Variants in ILDR1 observed in about 807,000 individuals in gnomAD.
ILDR1 encodes the protein immunoglobulin-like domain-containing receptor 1.
Under a neutral mutation model 62.4 loss-of-function variants are expected in ILDR1, and 56 were observed. The ratio of observed to expected loss-of-function variants is 0.90; its 90% CI spans 0.72 to 1.12. The LOEUF (loss-of-function observed/expected upper bound fraction) is 1.12, where lower values mean the gene tolerates loss of function less well. Among genes scored for constraint, ILDR1 ranks in the 50% most tolerant of loss-of-function variants. ILDR1 has a pLI of 0.00. For missense variants in ILDR1, 736 were observed against 710.6 expected (o/e 1.04, Z -0.41); for synonymous variants, 284 against 277.8 (o/e 1.02, Z -0.22).
At chr3:121,999,065 A>G (rs2071478982) in intron 5 of ILDR1, among the ~76,000 whole-genome samples, 1 of 152,232 alleles carries the variant, frequency 6.6e-6, no homozygotes, top group Non-Finnish European at 1.5e-5. Context: ...CAGACATCCA[A>G]TAAAAGTTAG....
the ILDR1 span, among the ~76,000 whole-genome samples, chr3:122,048,285 C>T: frequency 1.3e-5 from 2 of 152,172 alleles, no homozygotes; most frequent in Non-Finnish European, 2.9e-5. Flanking sequence ...GGATAAATCC[C>T]ACTTGGTCAT....
At chr3:122,045,097 C>A in the ILDR1 span, among the ~76,000 whole-genome samples, 2 of 151,918 alleles carry the variant, frequency 1.3e-5, no homozygotes, top group African/African-American at 4.8e-5. Flanking sequence ...AAATGCATCC[C>A]AGAGATTCTG....
intron 1 of ILDR1, among the ~76,000 whole-genome samples, chr3:122,021,087 C>T (rs967649398): frequency 6.6e-6 from 1 of 152,110 alleles, no homozygotes; most frequent in African/African-American, 2.4e-5. Flanking sequence ...ATACAAGACT[C>T]AAATTGGTCT....
chr3:122,035,485 C>A, the ILDR1 span, among the ~76,000 whole-genome samples: 26,502 of 152,150 alleles, frequency 0.17, 2,477 homozygotes, highest in South Asian at 0.26. Context: ...TGTGTCCCTG[C>A]TCAAATCTTA....
At chr3:122,047,589 G>C in the ILDR1 span, among the ~76,000 whole-genome samples, 1 of 152,152 alleles carries the variant, frequency 6.6e-6, no homozygotes, top group African/African-American at 2.4e-5. Context: ...AGGACCCTCC[G>C]AGCCAGGTGT....
At chr3:121,999,194 T>C (rs2071481076) in intron 5 of ILDR1, among the ~76,000 whole-genome samples, 1 of 152,206 alleles carries the variant, frequency 6.6e-6, no homozygotes, top group South Asian at 2.1e-4. Context: ...CATTCATTAT[T>C]TTTCCCTTAA....
chr3:122,026,972 T>C (rs914680991), upstream of ILDR1, among the ~76,000 whole-genome samples: 5 of 152,170 alleles, frequency 3.3e-5, no homozygotes, highest in African/African-American at 1.2e-4. Flanking sequence ...AAGATCAATA[T>C]ATTAATGTCA....
the ILDR1 span, among the ~76,000 whole-genome samples, chr3:122,056,447 T>G: frequency 1.3e-5 from 2 of 152,148 alleles, no homozygotes; most frequent in Non-Finnish European, 2.9e-5. Context: ...CGATTCTCCT[T>G]CCTCAGTCTC....
At chr3:122,004,219 T>G (rs1282117103) in intron 3 of ILDR1, among the ~76,000 whole-genome samples, 5 of 152,194 alleles carry the variant, frequency 3.3e-5, no homozygotes, top group Non-Finnish European at 7.3e-5. Flanking sequence ...AAATATTTAT[T>G]TAACACAGCA....
intron 6 of ILDR1, 21 bp downstream of exon 6, chr3:121,994,161 C>T (rs1559871650): frequency 1.3e-6 from 2 of 1,535,672 alleles, no homozygotes; most frequent in Non-Finnish European, 8.7e-7. Context: ...TCCCCTATCC[C>T]AAATCTCTGG....
the ILDR1 span, among the ~76,000 whole-genome samples, chr3:122,055,203 A>G: frequency 6.6e-6 from 1 of 152,096 alleles, no homozygotes; most frequent in Non-Finnish European, 1.5e-5. Flanking sequence ...CATGTCTGGA[A>G]CTCAAGCTAC....
At chr3:122,014,101 G>A (rs2071743070) in intron 1 of ILDR1, among the ~76,000 whole-genome samples, 1 of 152,200 alleles carries the variant, frequency 6.6e-6, no homozygotes, top group South Asian at 2.1e-4. Context: ...CTAAATGGTT[G>A]AGATTTAACC....
chr3:122,017,101 G>A (rs1013373361), intron 1 of ILDR1, among the ~76,000 whole-genome samples: 1 of 152,036 alleles, frequency 6.6e-6, no homozygotes, highest in African/African-American at 2.4e-5. Context: ...AGGCTGGAGT[G>A]AAATGGCGCG....
Position 121,988,351 on chromosome 3 carries a change from G to C in ILDR1, c.*16C>G. 6.2e-7 allele frequency: 1 copy of C among 1,610,470 alleles called. No individual in the cohort carries two copies. Among genetic ancestry groups the C allele is most frequent in the Non-Finnish European group, 8.5e-7 (1 of 1,176,714 alleles). On this transcript the variant is annotated 3_prime_UTR_variant, in exon 8 of 8. Coordinates refer to ENST00000344209, the MANE Select transcript of ILDR1 (RefSeq NM_001199799.2). ...GAGCCGAGAAGTAGCCACAGAAGTT[G>C]TGCTGTGCTTGGTGACTAAATGACC...
At chr3:122,014,085 A>G (rs2071742940) in intron 1 of ILDR1, among the ~76,000 whole-genome samples, 1 of 152,234 alleles carries the variant, frequency 6.6e-6, no homozygotes, top group African/African-American at 2.4e-5. Context: ...CTTCTGGATA[A>G]GTTTTCTAAA....
intron 1 of ILDR1, among the ~76,000 whole-genome samples, chr3:122,012,988 A>G (rs915644094): frequency 6.6e-6 from 1 of 152,166 alleles, no homozygotes; most frequent in African/African-American, 2.4e-5. Context: ...ACTTCAGATG[A>G]GATATCAGAG....
At chr3:122,008,573 C>T (rs1415402524) in intron 1 of ILDR1, among the ~76,000 whole-genome samples, 1 of 99,614 alleles carries the variant, frequency 1.0e-5, no homozygotes, top group African/African-American at 3.4e-5. Context: ...TATTTCTTTT[C>T]TTTTCTTTTC....
chr3:121,992,087 T>C (rs2071356995), intron 7 of ILDR1, among the ~76,000 whole-genome samples: 1 of 152,226 alleles, frequency 6.6e-6, no homozygotes, highest in African/African-American at 2.4e-5. Context: ...TGGCAACATA[T>C]CTTTGCAAAG....
intron 1 of ILDR1, among the ~76,000 whole-genome samples, chr3:122,015,365 G>A (rs2071762248): frequency 2.0e-5 from 3 of 152,144 alleles, no homozygotes; most frequent in Non-Finnish European, 4.4e-5. Flanking sequence ...AATCATCCTG[G>A]TATCTTTTTT....
Sources: gnomAD v4.1 joint callset for allele counts (sites outside exome capture counted in the v4.1 genomes callset) on GRCh38, gnomAD v4.1.1 for gene constraint, MANE v1.5 for transcripts, NCBI Gene and HGNC (gene_info 2026-07-23, HGNC 2026-07-21) for gene names.